The following FBXO3 variants were observed in gnomAD, a reference collection of about 807,000 sequenced individuals.
FBXO3 encodes F-box protein 3.
FBXO3 carries 17 observed loss-of-function variants against 64.8 expected under a neutral mutation model. The observed-to-expected ratio is 0.26, with a 90% CI of 0.18 to 0.39. The LOEUF (loss-of-function observed/expected upper bound fraction) is 0.39. FBXO3 is among the 10% of genes least tolerant of loss of function. The pLI, the probability that FBXO3 is intolerant of heterozygous loss-of-function variation, is 1.00. For missense variants in FBXO3, 420 were observed against 589.9 expected (o/e 0.71, Z 2.98); for synonymous variants, 182 against 201.6 (o/e 0.90, Z 0.82).
intron 3 of FBXO3, among the ~76,000 whole-genome samples, chr11:33,768,136 A>G (rs1257571525): frequency 6.6e-6 from 1 of 151,786 alleles, no homozygotes; most frequent in Non-Finnish European, 1.5e-5. Flanking sequence ...CATCTATACA[A>G]TGCCTTTCAG....
intron 10 of FBXO3, chr11:33,745,304 A>T (rs1002928973): frequency 1.1e-4 from 16 of 152,200 alleles, no homozygotes; most frequent in African/African-American, 3.8e-4. Context: ...GACCAAAAAA[A>T]AAAAAAATCA....
intron 5 of FBXO3, among the ~76,000 whole-genome samples, chr11:33,754,972 TCTC>T (rs59351810): frequency 0.11 from 16,942 of 151,656 alleles, 1,372 homozygotes; most frequent in African/African-American, 0.22. Context: ...TTCAAGCAAT[TCTC>T]CTGCCTCAGC....
chr11:33,752,876 A>T (rs1021385963), intron 6 of FBXO3, among the ~76,000 whole-genome samples: 152 of 152,344 alleles, frequency 1.0e-3, no homozygotes, highest in African/African-American at 3.5e-3. Context: ...CATAAAAAAA[A>T]TTGGCATGGT....
chr11:33,760,379 A>G (rs2133611716), intron 3 of FBXO3, among the ~76,000 whole-genome samples: 1 of 152,290 alleles, frequency 6.6e-6, no homozygotes, highest in Admixed American at 6.5e-5. Flanking sequence ...TCAGTGGCTC[A>G]TGCATGTAAT....
In FBXO3 at chr11:33,742,429, G is replaced by A. The variant is rs565937096; in HGVS notation, c.1240-345C>T. 16 of 166,888 alleles carry A rather than the reference G, an allele frequency of 9.6e-5. 1 individual carries two copies. The East Asian group carries it at 2.4e-3, about 25-fold the overall frequency. 10.3% of individuals were successfully genotyped at this position (166,888 alleles called of 1,614,324 possible). A position where few individuals can be genotyped will look rare whatever the true frequency, so the allele number is the denominator to read the frequency against. On this transcript the variant is annotated intron_variant, in intron 10 of 10. Transcript: ENST00000265651. ...AGCAGTTCTCCCACCTCATCCTCCC[G>A]AGTAGCTGGGACTACAGGTGCATGC...
intron 4 of FBXO3, among the ~76,000 whole-genome samples, chr11:33,757,495 A>G (rs1373886237): frequency 7.1e-6 from 1 of 141,780 alleles, no homozygotes; most frequent in African/African-American, 2.7e-5. Context: ...TAAAATAATA[A>G]AAGTTTATAA....
chr11:33,755,680 C>T, intron 5 of FBXO3, 91 bp downstream of exon 5: 1 of 913,426 alleles, frequency 1.1e-6, no homozygotes, highest in Non-Finnish European at 1.8e-6. Context: ...ATTCTATACC[C>T]ATTCTACAAT....
At position 33,755,858 on chromosome 11, in the gene FBXO3, A is replaced by C. The variant is rs773667560; in HGVS notation, c.591T>G (p.Thr197=). ...GACTCAAACCAGTATGTATGCAAAA[A>C]GTTAAAGGGAGACAGTATTTCAGTC... ...RQGLKYCLPL[T]FCIHTGLSQY... Residue 197 remains threonine (T), a synonymous_variant, in exon 5 of 11, where the codon ACT becomes ACG. Coordinates refer to ENST00000265651, the MANE Select transcript of FBXO3 (RefSeq NM_012175.4). 2 of 1,614,026 alleles carry C rather than the reference A, an allele frequency of 1.2e-6. No homozygotes were observed. The highest frequency in any genetic ancestry group is 1.7e-6 in the Non-Finnish European group (2 of 1,180,016).
chr11:33,757,372 G>A (rs61887477), intron 4 of FBXO3, among the ~76,000 whole-genome samples: 25,960 of 150,996 alleles, frequency 0.17, 2,409 homozygotes, highest in Non-Finnish European at 0.2. Flanking sequence ...TATAGTGGCT[G>A]GAAGGCTGAG....
intron 3 of FBXO3, among the ~76,000 whole-genome samples, chr11:33,764,942 C>T (rs1484527116): frequency 1.3e-5 from 2 of 152,132 alleles, no homozygotes; most frequent in Non-Finnish European, 2.9e-5. Context: ...CCACTGTACT[C>T]CATCCTGAGT....
chr11:33,746,651 T>C (rs1854819085), intron 10 of FBXO3: 1 of 915,566 alleles, frequency 1.1e-6, no homozygotes, highest in African/African-American at 1.7e-5. Flanking sequence ...TGTCATAAGG[T>C]AACCCTAAAA....
chr11:33,773,430 G>A (rs11599935), intron 1 of FBXO3: 26,261 of 152,050 alleles, frequency 0.17, 2,403 homozygotes, highest in Non-Finnish European at 0.2. Flanking sequence ...TAATAACACA[G>A]GGCACAATCA....
chr11:33,757,681 A>AAAAAAAAAAAAAT, intron 4 of FBXO3, among the ~76,000 whole-genome samples: 1 of 143,100 alleles, frequency 7.0e-6, no homozygotes, highest in Non-Finnish European at 1.5e-5. Context: ...AAAAAAAAAA[A>AAAAAAAAAAAAAT]GTCTGGGTGG....
At chr11:33,748,166 C>T (rs373937869) in intron 9 of FBXO3, among the ~76,000 whole-genome samples, 22 of 152,012 alleles carry the variant, frequency 1.4e-4, no homozygotes, top group East Asian at 5.8e-4. Context: ...TCTCTCTTAG[C>T]GCTAGATCCA....
chr11:33,759,599 G>A (rs1360158752), intron 3 of FBXO3, among the ~76,000 whole-genome samples: 3 of 152,116 alleles, frequency 2.0e-5, no homozygotes, highest in African/African-American at 7.2e-5. Flanking sequence ...CTAGCTGCTA[G>A]CCAAAAGCAA....
chr11:33,745,621 TTTTGA>T (rs1398784518), intron 10 of FBXO3: 1 of 152,156 alleles, frequency 6.6e-6, no homozygotes, highest in African/African-American at 2.4e-5. Context: ...TCTGACACTA[TTTTGA>T]ACTACGCGTT....
chr11:33,771,012 T>C (rs1564996451), intron 1 of FBXO3, 182 bp from the exon 2 acceptor site: 1 of 476,262 alleles, frequency 2.1e-6, no homozygotes, highest in East Asian at 3.3e-5. Context: ...TATAATTGCC[T>C]TGTTAGTAGT....
At chr11:33,763,638 A>C (rs1855295562) in intron 3 of FBXO3, among the ~76,000 whole-genome samples, 1 of 151,628 alleles carries the variant, frequency 6.6e-6, no homozygotes, top group East Asian at 1.9e-4. Context: ...AAAAAAAAAA[A>C]AAAAAAAAAC....
intron 3 of FBXO3, among the ~76,000 whole-genome samples, chr11:33,765,578 CTAGAGT>C (rs1417558311): frequency 1.3e-5 from 2 of 152,180 alleles, no homozygotes; most frequent in Non-Finnish European, 2.9e-5. Flanking sequence ...GGCAGAAAGA[CTAGAGT>C]TAATCTTTGC....
Sources: gnomAD v4.1 joint callset for allele counts (sites outside exome capture counted in the v4.1 genomes callset) on GRCh38, gnomAD v4.1.1 for gene constraint, MANE v1.5 for transcripts, NCBI Gene and HGNC (gene_info 2026-07-23, HGNC 2026-07-21) for gene names.